ARHGEF12: variants seen among roughly 807,000 people sequenced by gnomAD.
ARHGEF12 encodes Rho guanine nucleotide exchange factor 12.
Under a neutral mutation model 211.2 loss-of-function variants are expected in ARHGEF12, and 66 were observed. That is an observed-to-expected ratio of 0.31 (90% CI 0.26 to 0.38). The LOEUF (loss-of-function observed/expected upper bound fraction) is 0.38, where lower values mean the gene tolerates loss of function less well. Ranked by LOEUF, ARHGEF12 falls within the 10% of genes least tolerant of loss-of-function variation. The pLI, the probability that ARHGEF12 is intolerant of heterozygous loss-of-function variation, is 1.00. For missense variants in ARHGEF12, 1,429 were observed against 1,869.5 expected (o/e 0.76, Z 4.34); for synonymous variants, 592 against 638.4 (o/e 0.93, Z 1.09).
chr11:120,445,556 C>T (rs1263180798), intron 16 of ARHGEF12, 92 bp downstream of exon 16: 2 of 1,228,544 alleles, frequency 1.6e-6, no homozygotes, highest in Non-Finnish European at 2.4e-6. Context: ...CACATGGTGA[C>T]TAGTCGATCA....
chr11:120,406,394 G>A (rs1486064285), intron 2 of ARHGEF12, among the ~76,000 whole-genome samples: 1 of 152,102 alleles, frequency 6.6e-6, no homozygotes, highest in Non-Finnish European at 1.5e-5. Flanking sequence ...ACACTGAAGA[G>A]ACTTAATTTT....
At chr11:120,380,846 T>C (rs1386659103) in intron 1 of ARHGEF12, among the ~76,000 whole-genome samples, 2 of 152,386 alleles carry the variant, frequency 1.3e-5, no homozygotes, top group South Asian at 2.1e-4. Context: ...TATGGACTCA[T>C]GTATGTTTAT....
chr11:120,389,009 G>A (rs527806264), intron 1 of ARHGEF12, among the ~76,000 whole-genome samples: 1 of 151,396 alleles, frequency 6.6e-6, no homozygotes, highest in Non-Finnish European at 1.5e-5. Flanking sequence ...ATTACAGGTG[G>A]CCACCACCAT....
chr11:120,479,413 A>G (rs1261733763), intron 37 of ARHGEF12, among the ~76,000 whole-genome samples: 1 of 152,236 alleles, frequency 6.6e-6, no homozygotes, highest in Non-Finnish European at 1.5e-5. Context: ...CAATAACTCT[A>G]TCATTGTCTG....
At chr11:120,358,662 G>C (rs1481999555) in intron 1 of ARHGEF12, among the ~76,000 whole-genome samples, 1 of 152,116 alleles carries the variant, frequency 6.6e-6, no homozygotes, top group African/African-American at 2.4e-5. Flanking sequence ...CAGTTCCTCA[G>C]TGACACTAGC....
chr11:120,356,900 C>A (rs2135340190), intron 1 of ARHGEF12, among the ~76,000 whole-genome samples: 1 of 152,236 alleles, frequency 6.6e-6, no homozygotes, highest in Middle Eastern at 3.4e-3. Context: ...TTAATTCTCA[C>A]AATTACTCTG....
At chr11:120,364,585 G>C (rs1047005980) in intron 1 of ARHGEF12, among the ~76,000 whole-genome samples, 2 of 152,142 alleles carry the variant, frequency 1.3e-5, no homozygotes, top group African/African-American at 4.8e-5. Context: ...TGAAGAGGTA[G>C]ACCTAGAAAC....
chr11:120,479,159 T>C (rs925877790), intron 37 of ARHGEF12, among the ~76,000 whole-genome samples: 1 of 152,076 alleles, frequency 6.6e-6, no homozygotes, highest in African/African-American at 2.4e-5. Context: ...AGAGAGAGGT[T>C]AGGAAGAGAT....
intron 24 of ARHGEF12, 47 bp downstream of exon 24, chr11:120,457,803 C>T (rs376721417): frequency 6.2e-5 from 98 of 1,577,574 alleles, no homozygotes; most frequent in Non-Finnish European, 7.3e-5. Context: ...TTTTAAGAAA[C>T]GTAACCTTTT....
At chr11:120,351,431 ATATATATATATATATATATATATATTT>A (rs1942948472) in intron 1 of ARHGEF12, among the ~76,000 whole-genome samples, 2 of 3,158 alleles carry the variant, frequency 6.3e-4, no homozygotes, top group African/African-American at 2.5e-3. Flanking sequence ...ATATATATAT[ATATATATATATATATATATATATATTT>A]TTTTTTTTTT....
At chr11:120,341,377 T>C (rs1011369358) in intron 1 of ARHGEF12, among the ~76,000 whole-genome samples, 5 of 152,158 alleles carry the variant, frequency 3.3e-5, no homozygotes, top group African/African-American at 9.7e-5. Flanking sequence ...GTTGTTGCTG[T>C]TGTTGTTTTT....
At chr11:120,483,760 G>A (rs1227999853) in intron 39 of ARHGEF12, among the ~76,000 whole-genome samples, 5 of 152,092 alleles carry the variant, frequency 3.3e-5, no homozygotes, top group Non-Finnish European at 7.4e-5. Context: ...GACTACAGGC[G>A]CCTGCCACCA....
chr11:120,337,881 G>A (rs1591470535), intron 1 of ARHGEF12: 1 of 985,364 alleles, frequency 1.0e-6, no homozygotes, highest in East Asian at 1.1e-4. Flanking sequence ...TAAATCATGG[G>A]GTTTGCTTTT....
At chr11:120,475,298 C>T (rs746146624) in intron 32 of ARHGEF12, 42 bp from the exon 33 acceptor site, 4 of 1,561,272 alleles carry the variant, frequency 2.6e-6, no homozygotes, top group South Asian at 1.2e-5. Flanking sequence ...AACGCGTCTC[C>T]ATTTCTGTAC....
chr11:120,386,860 T>G (rs773135083), intron 1 of ARHGEF12, among the ~76,000 whole-genome samples: 6 of 152,114 alleles, frequency 3.9e-5, no homozygotes, highest in Non-Finnish European at 5.9e-5. Context: ...AGAGATTAAG[T>G]GATTTACCAT....
At chr11:120,440,790 C>T (rs930998801) in intron 13 of ARHGEF12, among the ~76,000 whole-genome samples, 1 of 152,090 alleles carries the variant, frequency 6.6e-6, no homozygotes, top group African/African-American at 2.4e-5. Context: ...AGGGAGAAAA[C>T]ACTCAGTCTT....
intron 21 of ARHGEF12, chr11:120,450,575 T>C (rs1309403064): frequency 1.3e-5 from 2 of 152,064 alleles, no homozygotes; most frequent in African/African-American, 2.4e-5. Flanking sequence ...TTCCAAGGTA[T>C]ACAAAAGAAG....
rs960555683 is a variant in ARHGEF12, at chr11:120,485,956, TATC to T, written c.*882_*884del. ...TTGACTATAAATTTGTTATTCTTGG[TATC>T]ATTTCATTTTTATAATTATACATTA... On this transcript the variant is annotated 3_prime_UTR_variant, in exon 41 of 41. Transcript: ENST00000397843. 2.6e-5 allele frequency: 6 copies of T among 233,490 alleles called. No homozygotes were observed. The highest frequency in any genetic ancestry group is 5.6e-5 in the Admixed American group (1 of 17,782). The allele number at this position is 233,490 out of a possible 1,614,324, so 14.5% of individuals were successfully genotyped here.
intron 20 of ARHGEF12, 67 bp from the exon 21 acceptor site, chr11:120,449,042 C>A: frequency 7.6e-7 from 1 of 1,319,296 alleles, no homozygotes. Flanking sequence ...ATTAGCATTA[C>A]ACTATGAAAA....
Sources: gnomAD v4.1 joint callset for allele counts (sites outside exome capture counted in the v4.1 genomes callset) on GRCh38, gnomAD v4.1.1 for gene constraint, MANE v1.5 for transcripts, NCBI Gene and HGNC (gene_info 2026-07-23, HGNC 2026-07-21) for gene names.